Variants in YBEY observed in about 807,000 individuals in gnomAD.
YBEY encodes endoribonuclease YbeY.
Under a neutral mutation model 13.5 loss-of-function variants are expected in YBEY, and 15 were observed. The observed-to-expected ratio is 1.11, with a 90% CI of 0.75 to 1.72. The LOEUF is 1.72. Among genes scored for constraint, YBEY ranks in the 40% most tolerant of loss-of-function variants. The pLI is 0.00. For synonymous variants in YBEY, 101 were observed against 83.1 expected (o/e 1.21, Z -1.17); for missense variants, 244 against 208.4 (o/e 1.17, Z -1.05).
chr21:46,299,056 T>G (rs1278347926), downstream of YBEY, among the ~76,000 whole-genome samples: 5 of 150,916 alleles, frequency 3.3e-5, no homozygotes, highest in African/African-American at 9.7e-5. Flanking sequence ...TCTTTTTTTT[T>G]TTTTTTTTGG....
Position 46,287,003 on chromosome 21 carries a change from A to G in YBEY, c.90A>G (p.Leu30=). Residue 30 remains leucine (L), a synonymous_variant, in exon 2 of 5, where the codon TTA becomes TTG. Coordinates refer to ENST00000397701, the MANE Select transcript of YBEY (RefSeq NM_001314025.2). ...RSKIEIVRRI[L]GVQKFDLGII... ...AGATCGAGATTGTAAGGAGGATTTT[A>G]GGAGTGCAGAAATTTGACCTGGGGA... 1 of 1,614,168 alleles carries G rather than the reference A, an allele frequency of 6.2e-7. No homozygotes were observed. The highest frequency in any genetic ancestry group is 1.7e-5 in the Admixed American group (1 of 60,018).
In YBEY at chr21:46,291,319, T is replaced by G; in HGVS notation, c.211-15T>G. 6.2e-7 allele frequency: 1 copy of G among 1,613,998 alleles called. No individual in the cohort carries two copies. Among genetic ancestry groups the G allele is most frequent in the South Asian group, 1.1e-5 (1 of 91,060 alleles). The stretch of plus-strand genomic sequence containing the variant: ...CGTTTCCTGTTCTCTAAGTCTACAT[T>G]TCCTCATTTTTTAGCATCTGAAAGC... On this transcript the variant is annotated splice_polypyrimidine_tract_variant and intron_variant, in intron 2 of 4. Coordinates refer to ENST00000397701, the MANE Select transcript of YBEY (RefSeq NM_001314025.2).
chr21:46,290,774 G>A (rs1037462375), intron 2 of YBEY, among the ~76,000 whole-genome samples: 7 of 150,956 alleles, frequency 4.6e-5, no homozygotes, highest in African/African-American at 7.3e-5. Context: ...GGCCAGACGC[G>A]GTGGCTCACG....
the YBEY span, among the ~76,000 whole-genome samples, chr21:46,306,978 C>G: frequency 1.3e-5 from 2 of 152,066 alleles, no homozygotes; most frequent in Non-Finnish European, 1.5e-5. Flanking sequence ...TCACTGCAGC[C>G]TCCGCCTCCC....
At chr21:46,311,179 A>G in the YBEY span, among the ~76,000 whole-genome samples, 1 of 152,074 alleles carries the variant, frequency 6.6e-6, no homozygotes, top group Non-Finnish European at 1.5e-5. Flanking sequence ...CCTAAAAATT[A>G]TTTTAAAAGA....
chr21:46,308,924 C>T, the YBEY span, among the ~76,000 whole-genome samples: 1 of 152,180 alleles, frequency 6.6e-6, no homozygotes, highest in Admixed American at 6.5e-5. Flanking sequence ...CCAGACTCTG[C>T]AGAGTCCCCA....
chr21:46,303,745 ATTTTTTTTTT>A, the YBEY span, among the ~76,000 whole-genome samples: 404 of 23,616 alleles, frequency 0.017, 7 homozygotes, highest in Admixed American at 0.028. Flanking sequence ...ATATATATAT[ATTTTTTTTTT>A]TTTTTTTTTT....
chr21:46,303,705 C>A, the YBEY span, among the ~76,000 whole-genome samples: 624 of 37,496 alleles, frequency 0.017, 12 homozygotes, highest in Non-Finnish European at 0.022. Context: ...CACACACACA[C>A]AAAATATATA....
At chr21:46,301,871 A>T, downstream of YBEY, 1 of 1,306,038 alleles carries the variant, frequency 7.7e-7, no homozygotes, top group Non-Finnish European at 9.7e-7. Context: ...TGCAGTCCAC[A>T]CTCGCGTAGC....
chr21:46,296,017 G>A (rs2081941646), intron 3 of YBEY, 145 bp from the exon 4 acceptor site: 3 of 705,262 alleles, frequency 4.3e-6, no homozygotes, highest in South Asian at 1.7e-5. Flanking sequence ...GAAGCTGAGT[G>A]CCTGTAATTC....
At chr21:46,304,020 GTTTTT>G in the YBEY span, among the ~76,000 whole-genome samples, 55 of 44,606 alleles carry the variant, frequency 1.2e-3, no homozygotes, top group Non-Finnish European at 1.2e-3. Flanking sequence ...CAAAGTGCTG[GTTTTT>G]TTTTTTTTTT....
chr21:46,311,620 T>G, the YBEY span: 1 of 1,088,630 alleles, frequency 9.2e-7, no homozygotes, highest in African/African-American at 1.5e-5. Flanking sequence ...AGAAAGTGTC[T>G]CCAGTATCTA....
downstream of YBEY, chr21:46,301,992 C>G: frequency 6.6e-7 from 1 of 1,522,716 alleles, no homozygotes. Context: ...GTCTCTGTGA[C>G]TCACACTCAG....
At chr21:46,312,770 T>TGGGGCAGACCCGTGGGTA in the YBEY span, among the ~76,000 whole-genome samples, 1 of 152,202 alleles carries the variant, frequency 6.6e-6, no homozygotes, top group Non-Finnish European at 1.5e-5. Flanking sequence ...GTTGAGCATC[T>TGGGGCAGACCCGTGGGTA]GGGGCAGACC....
downstream of YBEY, chr21:46,301,957 G>A (rs757640474): frequency 1.5e-5 from 22 of 1,472,192 alleles, no homozygotes; most frequent in Non-Finnish European, 1.5e-5. Flanking sequence ...GAGGAAGCCT[G>A]GGGGTGGAGG....
rs1429751255 is a variant in YBEY at position 46,286,648 on chromosome 21, ACCGCTCCTT to A, written c.-44-214_-44-206del. 7 of 240,320 alleles carry A rather than the reference ACCGCTCCTT, an allele frequency of 2.9e-5. No homozygotes were observed. In the South Asian group the frequency reaches 3.6e-4, roughly 12 times the overall value. 14.9% of individuals were successfully genotyped at this position (240,320 alleles called of 1,614,324 possible). ...CCAACCCGCCCCCTTTTCTCTGGGA[ACCGCTCCTT>A]CCGCTCCGCCCGCCTGGAGTCCTTC... On this transcript the variant is annotated intron_variant, in intron 1 of 4. Transcript: ENST00000397701.
At chr21:46,303,733 ATATATATATATATTTTTT>A in the YBEY span, among the ~76,000 whole-genome samples, 27 of 32,230 alleles carry the variant, frequency 8.4e-4, no homozygotes, top group African/African-American at 1.8e-3. Flanking sequence ...ATATATATAT[ATATATATATATATTTTTT>A]TTTTTTTTTT....
chr21:46,303,704 ACAAAATATAT>A, the YBEY span, among the ~76,000 whole-genome samples: 1 of 48,734 alleles, frequency 2.1e-5, no homozygotes, highest in Non-Finnish European at 4.0e-5. Flanking sequence ...ACACACACAC[ACAAAATATAT>A]ATATATATAT....
chr21:46,310,209 G>A, the YBEY span, among the ~76,000 whole-genome samples: 1 of 152,006 alleles, frequency 6.6e-6, no homozygotes, highest in Non-Finnish European at 1.5e-5. Context: ...AGGTGTGGTG[G>A]CTCACACCTG....
Sources: gnomAD v4.1 joint callset for allele counts (sites outside exome capture counted in the v4.1 genomes callset) on GRCh38, gnomAD v4.1.1 for gene constraint, MANE v1.5 for transcripts, NCBI Gene and HGNC (gene_info 2026-07-23, HGNC 2026-07-21) for gene names.